The following ZNF671 variants were observed in gnomAD, a reference collection of about 807,000 sequenced individuals.
ZNF671 encodes the protein hypothetical protein FLJ23506.
A neutral mutation model predicts 16.6 loss-of-function variants in ZNF671; 19 were observed. That is an observed-to-expected ratio of 1.14 (90% CI 0.80 to 1.68). The LOEUF (loss-of-function observed/expected upper bound fraction) is 1.68. Ranked by LOEUF, ZNF671 falls within the 40% of genes most tolerant of loss-of-function variation. The pLI is 0.00. For missense variants in ZNF671, 637 were observed against 659.8 expected (o/e 0.97, Z 0.38); for synonymous variants, 238 against 236.3 (o/e 1.01, Z -0.06).
intron 1 of ZNF671, 138 bp from the exon 2 acceptor site, chr19:57,723,478 A>T (rs971191236): frequency 1.0e-6 from 1 of 955,452 alleles, no homozygotes; most frequent in African/African-American, 1.6e-5. Flanking sequence ...ACTGATCCTC[A>T]CTCTCTCCTG....
intron 1 of ZNF671, among the ~76,000 whole-genome samples, chr19:57,724,544 T>TTA (rs1346134562): frequency 6.7e-6 from 1 of 149,218 alleles, no homozygotes; most frequent in Non-Finnish European, 1.5e-5. Flanking sequence ...TTTTTTTTTT[T>TTA]AGACAGATTC....
Position 57,720,096 on chromosome 19 carries a change from G to A in ZNF671, c.*385C>T, listed in dbSNP as rs1985796614. ...ATGATTCTGCCAGATGGTAGGAGCAGATGGCTCCTGCCCCAGCAAAGGCCA... is the reference window on the plus strand; with the variant it reads ...ATGATTCTGCCAGATGGTAGGAGCAAATGGCTCCTGCCCCAGCAAAGGCCA... On this transcript the variant is annotated 3_prime_UTR_variant, in exon 4 of 4. Transcript: ENST00000317398. The A allele has an allele frequency of 1.4e-5, 3 of 213,546 alleles. No individual in the cohort carries two copies. The South Asian group carries it at 3.0e-4, about 21-fold the overall frequency. 13.2% of individuals were successfully genotyped at this position (213,546 alleles called of 1,614,324 possible). A position where few individuals can be genotyped will look rare whatever the true frequency, so the allele number is the denominator to read the frequency against.
At chr19:57,723,919 C>T (rs1985963786) in intron 1 of ZNF671, among the ~76,000 whole-genome samples, 1 of 151,234 alleles carries the variant, frequency 6.6e-6, no homozygotes, top group Non-Finnish European at 1.5e-5. Context: ...TGGTGTGTGC[C>T]TGTAGTCCCA....
At position 57,719,956 on chromosome 19, in the gene ZNF671, G is replaced by C. The variant is rs1306516957; in HGVS notation, c.*525C>G. ...TTTCCATGCCATTTACATCAAAAGA[G>C]AGGAAATTAAGACCCCTAGTGGGCT... is the stretch of plus-strand genomic sequence containing the variant. On this transcript the variant is annotated 3_prime_UTR_variant, in exon 4 of 4. Coordinates refer to ENST00000317398, the MANE Select transcript of ZNF671 (RefSeq NM_024833.3). 1 of 158,520 alleles carries C rather than the reference G, an allele frequency of 6.3e-6. No individual in the cohort carries two copies. The highest frequency in any genetic ancestry group is 1.4e-5 in the Non-Finnish European group (1 of 71,326). 9.8% of individuals were successfully genotyped at this position (158,520 alleles called of 1,614,324 possible).
At position 57,720,942 on chromosome 19, in the gene ZNF671, A is replaced by G; in HGVS notation, c.1144T>C (p.Ser382Pro). The change falls in exon 4 of 4, where the codon TCT (serine) becomes CCT (proline). Residue 382 changes from serine to proline, a missense_variant. Transcript: ENST00000317398. ...ACTTCCTGGTGTCGAATGAGATTAG[A>G]CTTACTGCTAAAAAATTTCCCACAT... ...GKCGKFFSSKSNLIRHQEVHT... is the reference protein window; with the variant it reads ...GKCGKFFSSKPNLIRHQEVHT... The G allele has an allele frequency of 6.2e-7, 1 of 1,614,068 alleles. No homozygotes were observed. The highest frequency in any genetic ancestry group is 2.2e-5 in the East Asian group (1 of 44,878).
At position 57,722,329 on chromosome 19, in the gene ZNF671, C is replaced by G; in HGVS notation, c.375G>C (p.Arg125Ser). ...MTSATEREAQ[R>S]GLRPGCWHGV... Reference sequence around the variant, plus strand: ...ATGTCCACTCACCAGGTCTAAGTCCCCTCTGGGCCTCTCTTTCTGTGGCTG... The same window carrying G: ...ATGTCCACTCACCAGGTCTAAGTCCGCTCTGGGCCTCTCTTTCTGTGGCTG... Residue 125 changes from arginine (R) to serine (S), a missense_variant, in exon 3 of 4, where the codon AGG becomes AGC. Physicochemically the swap from Arg to Ser is moderately radical, Grantham distance 110. Coordinates refer to ENST00000317398, the MANE Select transcript of ZNF671 (RefSeq NM_024833.3). The G allele has an allele frequency of 6.2e-7, 1 of 1,614,080 alleles. No individual in the cohort carries two copies. Among genetic ancestry groups the G allele is most frequent in the Non-Finnish European group, 8.5e-7 (1 of 1,179,976 alleles).
At position 57,722,385 on chromosome 19, in the gene ZNF671, G is replaced by A; in HGVS notation, c.319C>T (p.Pro107Ser). The stretch of plus-strand genomic sequence containing the variant: ...ATATCCACCTGGTCATACACCCAGG[G>A]CTCTTCTCCTCGCTCTAGTTTCATG... ...AVMKLERGEE[P>S]WVYDQVDMTS... Residue 107 changes from proline (P) to serine (S), a missense_variant, in exon 3 of 4, where the codon CCC (proline) becomes TCC (serine). Pro to Ser is a moderately conservative substitution (Grantham distance 74). Transcript: ENST00000317398. The A allele has an allele frequency of 6.2e-7, 1 of 1,614,116 alleles. No individual in the cohort carries two copies. Among genetic ancestry groups the A allele is most frequent in the Non-Finnish European group, 8.5e-7 (1 of 1,180,006 alleles).
chr19:57,725,293 G>A (rs973772392), intron 1 of ZNF671, among the ~76,000 whole-genome samples: 6 of 150,126 alleles, frequency 4.0e-5, no homozygotes, highest in South Asian at 4.2e-4. Flanking sequence ...GTGAAACCCC[G>A]TCTCTACCAA....
chr19:57,721,878 G>T, intron 3 of ZNF671, 181 bp from the exon 4 acceptor site: 1 of 817,888 alleles, frequency 1.2e-6, no homozygotes. Flanking sequence ...GTCATACCAT[G>T]GGGGAGTGCC....
chr19:57,727,234 C>T (rs1435354679), intron 1 of ZNF671, 157 bp downstream of exon 1: 3 of 1,087,264 alleles, frequency 2.8e-6, no homozygotes, highest in Non-Finnish European at 2.5e-6. Flanking sequence ...TTTACCTGCG[C>T]CGTCCCCTCC....
rs1035806396 is a variant in ZNF671 at position 57,721,538 on chromosome 19, T to C, written c.548A>G (p.His183Arg). The C allele has an allele frequency of 1.9e-6, 3 of 1,614,094 alleles. No homozygotes were observed. The highest frequency in any genetic ancestry group is 2.5e-6 in the Non-Finnish European group (3 of 1,180,050). The change falls in exon 4 of 4, where the codon CAT becomes CGT. Residue 183 changes from histidine to arginine, a missense_variant. By Grantham distance (29) the His-to-Arg change is conservative. Transcript: ENST00000317398. ...TGGTTTCTGCCTGGCTTTTCCCCCA[T>C]GGTATTTAGCCAGGTGTAAGGTATC... ...LKDTLHLAKY[H>R]GGKARQKPYL...
Position 57,720,879 on chromosome 19 carries a change from C to T in ZNF671, c.1207G>A (p.Gly403Arg). 6.2e-7 allele frequency: 1 copy of T among 1,614,114 alleles called. No homozygotes were observed. The highest frequency in any genetic ancestry group is 8.5e-7 in the Non-Finnish European group (1 of 1,180,010). The change falls in exon 4 of 4, where the codon GGG becomes AGG. Residue 403 changes from glycine (G) to arginine (R), a missense_variant. Coordinates refer to ENST00000317398, the MANE Select transcript of ZNF671 (RefSeq NM_024833.3). ...GTGTGTTTCCGACTGAACTCTTTCCCACATTCGCTGCATACATAAGGCCTG... is the reference window on the plus strand; with the variant it reads ...GTGTGTTTCCGACTGAACTCTTTCCTACATTCGCTGCATACATAAGGCCTG... Reference protein sequence around the residue: ...GARPYVCSECGKEFSRKHTLV... With the variant: ...GARPYVCSECRKEFSRKHTLV...
intron 3 of ZNF671, 131 bp downstream of exon 3, chr19:57,722,185 C>G (rs1357475767): frequency 2.0e-5 from 29 of 1,419,694 alleles, no homozygotes; most frequent in Non-Finnish European, 2.6e-5. Flanking sequence ...ATCTTCGTGT[C>G]AAGAACAGGA....
chr19:57,727,054 C>G (rs1986070938), intron 1 of ZNF671: 1 of 231,206 alleles, frequency 4.3e-6, no homozygotes, highest in South Asian at 1.3e-4. Context: ...ACTTAAAATC[C>G]CAGCTAAGAT....
chr19:57,721,828 A>G, intron 3 of ZNF671, 131 bp from the exon 4 acceptor site: 1 of 1,297,364 alleles, frequency 7.7e-7, no homozygotes, highest in African/African-American at 1.5e-5. Flanking sequence ...GCATGGTCAG[A>G]GTGAGGAAGG....
chr19:57,720,288 G>T lies in ZNF671; in HGVS notation c.*193C>A. ...GTTCCACTCTAGGGTGAGCTGTTGG[G>T]CTGAACAGAGACAGCACATTGCTTA... On this transcript the variant is annotated 3_prime_UTR_variant, in exon 4 of 4. Transcript: ENST00000317398. 1.3e-6 allele frequency: 1 copy of T among 775,562 alleles called. No homozygotes were observed. The highest frequency in any genetic ancestry group is 2.1e-6 in the Non-Finnish European group (1 of 482,510). 48.0% of individuals were successfully genotyped at this position (775,562 alleles called of 1,614,324 possible).
In ZNF671 at chr19:57,720,556, A is replaced by G. The variant is rs759882061; in HGVS notation, c.1530T>C (p.Ser510=). Residue 510 remains serine, a synonymous_variant, in exon 4 of 4, where the codon AGT becomes AGC. Transcript: ENST00000317398. ...VHTGERPYVC[S]ECGREFIRKQ... is the part of the protein sequence containing the mutation. The stretch of plus-strand genomic sequence containing the variant: ...TCCGGATGAATTCTCTCCCGCACTC[A>G]CTACACACATAAGGCCTTTCCCCAG... The G allele has an allele frequency of 1.2e-6, 2 of 1,614,140 alleles. No homozygotes were observed. Among genetic ancestry groups the G allele is most frequent in the South Asian group, 1.1e-5 (1 of 91,082 alleles).
intron 1 of ZNF671, among the ~76,000 whole-genome samples, chr19:57,723,767 G>T (rs1409370453): frequency 7.1e-6 from 1 of 141,500 alleles, no homozygotes; most frequent in Non-Finnish European, 1.5e-5. Context: ...CTCCCCAAAT[G>T]TCACTCTACA....
In ZNF671 at chr19:57,720,808, C is replaced by T; in HGVS notation, c.1278G>A (p.Glu426=). 1.9e-6 allele frequency: 3 copies of T among 1,614,252 alleles called. No individual in the cohort carries two copies. The highest frequency in any genetic ancestry group is 2.5e-6 in the Non-Finnish European group (3 of 1,180,042). Residue 426 remains glutamate, a synonymous_variant, in exon 4 of 4, where the codon GAG becomes GAA. Transcript: ENST00000317398. ...TAAAGGCCTTCCCACATTCACTGCA[C>T]TCATAAGGCCTTTCTCCAGTGTGAG... ...QRTHTGERPY[E]CSECGKAFSQ...
Sources: allele counts gnomAD v4.1 joint callset (sites outside exome capture counted in the v4.1 genomes callset), GRCh38; gene constraint gnomAD v4.1.1; transcripts MANE v1.5; gene names NCBI Gene and HGNC (gene_info 2026-07-23, HGNC 2026-07-21).